The following PNPLA2 variants were observed in gnomAD, a reference collection of about 807,000 sequenced individuals.
PNPLA2 encodes patatin like domain 2, triacylglycerol lipase, also known as patatin-like phospholipase domain-containing protein 2.
In PNPLA2, 28 loss-of-function variants were observed where a neutral mutation model predicts 39.7. That is an observed-to-expected ratio of 0.70 (90% CI 0.52 to 0.97). The LOEUF is 0.97. Among genes scored for constraint, PNPLA2 ranks in the 50% least tolerant of loss-of-function variants. The pLI, the probability that PNPLA2 is intolerant of heterozygous loss-of-function variation, is 0.00. For missense variants in PNPLA2, 768 were observed against 698.2 expected, an observed-to-expected ratio of 1.10 and a Z score of -1.13; for synonymous variants, 392 against 321.1, an observed-to-expected ratio of 1.22 and a Z score of -2.36.
rs11554663 is a variant in PNPLA2 at position 824,428 on chromosome 11, G to T, written c.1167G>T (p.Leu389=). The T allele has an allele frequency of 0.022, 34,804 of 1,554,754 alleles. 2,084 individuals are homozygous for T. In the East Asian group the frequency reaches 0.23, roughly 10 times the overall value. ...MRAKRKLGRH[L]PSRLPEQVEL... ...CCAAGAGGAAGCTGGGCAGGCACCT[G>T]CCCTCCAGGTGAGCCGCCGACCGCG... Residue 389 remains leucine, a synonymous_variant, in exon 9 of 10, where the codon CTG becomes CTT. Transcript: ENST00000336615.
Position 824,036 on chromosome 11 carries a change from A to C in PNPLA2, c.958A>C (p.Thr320Pro). The change falls in exon 8 of 10, where the codon ACC (threonine) becomes CCC (proline). Residue 320 changes from threonine (T) to proline (P), a missense_variant. Coordinates refer to ENST00000336615, the MANE Select transcript of PNPLA2 (RefSeq NM_020376.4). Reference sequence around the variant, plus strand: ...CTGCGTGGAGCCCACGGACCTGCTGACCACCCTCTCCAACATGCTGCCTGT... The same window carrying C: ...CTGCGTGGAGCCCACGGACCTGCTGCCCACCCTCTCCAACATGCTGCCTGT... ...EACVEPTDLLTTLSNMLPVRL... is the reference protein window; with the variant it reads ...EACVEPTDLLPTLSNMLPVRL... The C allele has an allele frequency of 1.9e-6, 3 of 1,610,604 alleles. No homozygotes were observed. The highest frequency in any genetic ancestry group is 2.5e-6 in the Non-Finnish European group (3 of 1,179,446).
rs552415591 is a variant in PNPLA2, at chr11:822,507, C to T, written c.597C>T (p.Ser199=). The T allele has an allele frequency of 1.8e-5, 29 of 1,614,034 alleles. No individual in the cohort carries two copies. The Admixed American group carries it at 3.8e-4, about 21-fold the overall frequency. ...GESDICPQDS[S]TNIHELRVTN... ...GTGACATCTGTCCGCAGGACAGCTC[C>T]ACCAACATCCACGAGCTGCGGGTCA... The change falls in exon 5 of 10, where the codon TCC becomes TCT. Residue 199 remains serine, a synonymous_variant. Coordinates refer to ENST00000336615, the MANE Select transcript of PNPLA2 (RefSeq NM_020376.4).
At position 824,996 on chromosome 11, in the gene PNPLA2, C is replaced by G. The variant is rs559264417; in HGVS notation, c.*134C>G. On this transcript the variant is annotated 3_prime_UTR_variant, in exon 10 of 10. Coordinates refer to ENST00000336615, the MANE Select transcript of PNPLA2 (RefSeq NM_020376.4). ...GCCAGCCACTCACCAGCTGCATGCA[C>G]TGAGAGGGGAGGTTTCCACACCCCT... 1,415 of 671,598 alleles carry G rather than the reference C, an allele frequency of 2.1e-3. 8 individuals are homozygous for G. The highest frequency in any genetic ancestry group is 4.0e-3 in the Admixed American group (150 of 37,412). 41.6% of individuals were successfully genotyped at this position (671,598 alleles called of 1,614,324 possible).
intron 2 of PNPLA2, 43 bp downstream of exon 2, chr11:819,948 G>T: frequency 4.7e-6 from 6 of 1,281,774 alleles, no homozygotes; most frequent in Non-Finnish European, 6.0e-6. Flanking sequence ...TGGCGGGAAG[G>T]CCGTGCGGGG....
chr11:824,790 G>T lies in PNPLA2; in HGVS notation c.1443G>T (p.Leu481=), dbSNP rs779925632. The stretch of plus-strand genomic sequence containing the variant: ...ACCCAGCATCCCCGCAGCACCAGCT[G>T]GCCGGGCCTGCCCCCTTGCTGAGCA... ...PADPASPQHQ[L]AGPAPLLSTP... The change falls in exon 10 of 10, where the codon CTG becomes CTT. Residue 481 remains leucine, a synonymous_variant. Transcript: ENST00000336615. 2.0e-6 allele frequency: 3 copies of T among 1,532,806 alleles called. No individual in the cohort carries two copies. Among genetic ancestry groups the T allele is most frequent in the Non-Finnish European group, 8.7e-7 (1 of 1,145,038 alleles). The allele number at this position is 1,532,806 out of a possible 1,614,324, so 95.0% of individuals were successfully genotyped here.
chr11:821,785 C>T lies in PNPLA2; in HGVS notation c.345C>T (p.Gly115=), dbSNP rs1447977384. The T allele has an allele frequency of 9.3e-6, 15 of 1,613,860 alleles. No homozygotes were observed. Among genetic ancestry groups the T allele is most frequent in the Non-Finnish European group, 1.3e-5 (15 of 1,180,036 alleles). ...DSHEHASGRL[G]ISLTRVSDGE... ...ATGAGCATGCCAGTGGGCGCCTGGGCATCTCCCTGACCCGCGTGTCAGACG... is the reference window on the plus strand; with the variant it reads ...ATGAGCATGCCAGTGGGCGCCTGGGTATCTCCCTGACCCGCGTGTCAGACG... Residue 115 remains glycine, a synonymous_variant, in exon 3 of 10, where the codon GGC becomes GGT. Transcript: ENST00000336615.
intron 1 of PNPLA2, 190 bp from the exon 2 acceptor site, chr11:819,384 A>C (rs2133844689): frequency 1.0e-6 from 1 of 976,712 alleles, no homozygotes; most frequent in African/African-American, 1.7e-5. Flanking sequence ...GCAGGGGCGG[A>C]GGGAGGGCAG....
At chr11:822,690 G>C in intron 5 of PNPLA2, 84 bp downstream of exon 5, 1 of 1,185,282 alleles carries the variant, frequency 8.4e-7, no homozygotes, top group Admixed American at 1.7e-5. Flanking sequence ...TGACTTCTGA[G>C]TGCCCAGGGT....
chr11:824,270 G>C (rs536650254), intron 8 of PNPLA2, 44 bp from the exon 9 acceptor site: 2 of 1,549,270 alleles, frequency 1.3e-6, no homozygotes, highest in African/African-American at 1.4e-5. Context: ...GTGGGCATGT[G>C]GGTCTGGCCA....
At chr11:820,999 C>A in intron 2 of PNPLA2, 1 of 161,804 alleles carries the variant, frequency 6.2e-6, no homozygotes, top group Admixed American at 5.8e-5. Flanking sequence ...GCTGAAGAGC[C>A]CCTGGCTCCA....
In PNPLA2 at chr11:824,385, A is replaced by G. The variant is rs556615576; in HGVS notation, c.1124A>G (p.Gln375Arg). The G allele has an allele frequency of 6.4e-7, 1 of 1,552,856 alleles. No individual in the cohort carries two copies. Among genetic ancestry groups the G allele is most frequent in the Non-Finnish European group, 8.7e-7 (1 of 1,148,514 alleles). The change falls in exon 9 of 10, where the codon CAG (glutamine) becomes CGG (arginine). Residue 375 changes from glutamine to arginine, a missense_variant. Gln to Arg is a conservative substitution (Grantham distance 43). Coordinates refer to ENST00000336615, the MANE Select transcript of PNPLA2 (RefSeq NM_020376.4). The part of the protein sequence containing the change: ...WMKEQTGSIC[Q>R]YLVMRAKRKL... Reference sequence around the variant, plus strand: ...AAGGAGCAGACGGGCAGCATCTGCCAGTACCTGGTGATGCGCGCCAAGAGG... The same window carrying G: ...AAGGAGCAGACGGGCAGCATCTGCCGGTACCTGGTGATGCGCGCCAAGAGG...
At chr11:824,163 AG>A in intron 8 of PNPLA2, 33 bp downstream of exon 8, 3 of 1,576,262 alleles carry the variant, frequency 1.9e-6, no homozygotes, top group Non-Finnish European at 1.7e-6. Flanking sequence ...AGAGGGGCCC[AG>A]GGGACGGACT....
intron 2 of PNPLA2, 177 bp from the exon 3 acceptor site, chr11:821,451 C>T (rs1010737640): frequency 1.5e-4 from 99 of 643,298 alleles, no homozygotes; most frequent in African/African-American, 1.0e-3. Flanking sequence ...TGGCCAGCCT[C>T]TGCTGTCTGC....
In PNPLA2 at chr11:819,435, C is replaced by G. The variant is rs1328753460; in HGVS notation, c.-145-139C>G. On this transcript the variant is annotated intron_variant, in intron 1 of 9. Transcript: ENST00000336615. ...GGCAGCGGAGGGCGGGGCTCCAGCG[C>G]GGGGGGCCGGGTCAAGGACGGGGGC... 20 of 1,132,376 alleles carry G rather than the reference C, an allele frequency of 1.8e-5. No individual in the cohort carries two copies. The African/African-American group carries it at 2.4e-4, about 14-fold the overall frequency. 70.1% of individuals were successfully genotyped at this position (1,132,376 alleles called of 1,614,324 possible).
chr11:825,199 T>A lies in PNPLA2; in HGVS notation c.*337T>A, dbSNP rs1845851267. The A allele has an allele frequency of 2.3e-6, 1 of 434,300 alleles. No individual in the cohort carries two copies. The highest frequency in any genetic ancestry group is 4.1e-5 in the Admixed American group (1 of 24,236). 26.9% of individuals were successfully genotyped at this position (434,300 alleles called of 1,614,324 possible). A position where few individuals can be genotyped will look rare whatever the true frequency, so the allele number is the denominator to read the frequency against. On this transcript the variant is annotated 3_prime_UTR_variant, in exon 10 of 10. Coordinates refer to ENST00000336615, the MANE Select transcript of PNPLA2 (RefSeq NM_020376.4). ...TTATTTATTTTCGCCAAAGCACATG[T>A]AATAAATGCTGCAGCCCAGCCTCTG...
At position 825,344 on chromosome 11, in the gene PNPLA2, A is replaced by C. The variant is rs1590182170; in HGVS notation, c.*482A>C. ...TGCAGGCCAGGTCTCCCAGCGTCGC[A>C]CTCCTGGGCCTGGCATTTGGAACCT... is the stretch of plus-strand genomic sequence containing the variant. On this transcript the variant is annotated 3_prime_UTR_variant, in exon 10 of 10. Transcript: ENST00000336615. The C allele has an allele frequency of 4.5e-6, 1 of 220,328 alleles. No individual in the cohort carries two copies. The highest frequency in any genetic ancestry group is 5.3e-5 in the South Asian group (1 of 18,774). The allele number at this position is 220,328 out of a possible 1,614,324, so 13.6% of individuals were successfully genotyped here.
At position 824,564 on chromosome 11, in the gene PNPLA2, C is replaced by T. The variant is rs370098225; in HGVS notation, c.1217C>T (p.Pro406Leu). ...QVELRRVQSL[P>L]SVPLSCAAYR... ...GAGCTGCGCCGCGTCCAGTCGCTGC[C>T]GTCCGTGCCGCTGTCCTGCGCCGCC... The change falls in exon 10 of 10, where the codon CCG becomes CTG. Residue 406 changes from proline to leucine, a missense_variant. Pro to Leu is a moderately conservative substitution (Grantham distance 98). Coordinates refer to ENST00000336615, the MANE Select transcript of PNPLA2 (RefSeq NM_020376.4). The T allele has an allele frequency of 1.4e-4, 213 of 1,567,176 alleles. No homozygotes were observed. The highest frequency in any genetic ancestry group is 9.6e-5 in the Non-Finnish European group (112 of 1,160,986).
At position 825,513 on chromosome 11, in the gene PNPLA2, G is replaced by A. The variant is rs1033465738; in HGVS notation, c.*651G>A. 2.0e-5 allele frequency: 3 copies of A among 152,524 alleles called. No homozygotes were observed. The highest frequency in any genetic ancestry group is 7.3e-5 in the African/African-American group (3 of 41,364). The allele number at this position is 152,524 out of a possible 1,614,324, so 9.4% of individuals were successfully genotyped here. On this transcript the variant is annotated 3_prime_UTR_variant, in exon 10 of 10. Coordinates refer to ENST00000336615, the MANE Select transcript of PNPLA2 (RefSeq NM_020376.4). ...TGACCCTTGGCCACAGCCTTCTGAG[G>A]GCCAATGGAAATATTTGGGACCAAG...
At chr11:821,580 T>C (rs754947303) in intron 2 of PNPLA2, 48 bp from the exon 3 acceptor site, 1 of 1,361,840 alleles carries the variant, frequency 7.3e-7, no homozygotes, top group Non-Finnish European at 1.0e-6. Flanking sequence ...AAGGTGGGTG[T>C]TGCTAAGCCC....
Sources: allele counts gnomAD v4.1 joint callset, GRCh38; gene constraint gnomAD v4.1.1; transcripts MANE v1.5; gene names NCBI Gene and HGNC (gene_info 2026-07-23, HGNC 2026-07-21).